Variants in PRDM2 observed in about 807,000 individuals in gnomAD.
The protein encoded by PRDM2 is PR domain zinc finger protein 2.
In PRDM2, 30 loss-of-function variants were observed where a neutral mutation model predicts 130.0. The ratio of observed to expected loss-of-function variants is 0.23; its 90% CI spans 0.17 to 0.31. The LOEUF (loss-of-function observed/expected upper bound fraction) is 0.31. Among genes scored for constraint, PRDM2 ranks in the 10% least tolerant of loss-of-function variants. The pLI, the probability that PRDM2 is intolerant of heterozygous loss-of-function variation, is 1.00. For missense variants in PRDM2, 2,011 were observed against 2,108.4 expected, an observed-to-expected ratio of 0.95 and a Z score of 0.90; for synonymous variants, 871 against 782.4, an observed-to-expected ratio of 1.11 and a Z score of -1.89.
Position 13,782,776 on chromosome 1 carries a change from T to A in PRDM2, c.4981T>A (p.Leu1661Met), listed in dbSNP as rs1408822697. The change falls in exon 8 of 10, where the codon TTG becomes ATG. Residue 1661 changes from leucine to methionine, a missense_variant. By Grantham distance (15) the Leu-to-Met change is conservative (BLOSUM62 2). Coordinates refer to ENST00000311066, the MANE Select transcript of PRDM2 (RefSeq NM_001393986.1). The stretch of plus-strand genomic sequence containing the variant: ...CCTTCAGCTGGCAGCTGCTGCTGAC[T>A]TGAGTGAGAACAAGAGAGAGGACGG... ...RSLQLAAAADLSENKREDGSA... is the reference protein window; with the variant it reads ...RSLQLAAAADMSENKREDGSA... 2 of 1,611,532 alleles carry A rather than the reference T, an allele frequency of 1.2e-6. No homozygotes were observed. Among genetic ancestry groups the A allele is most frequent in the Non-Finnish European group, 1.7e-6 (2 of 1,179,292 alleles).
At chr1:13,759,694 G>T (rs1012006384) in intron 6 of PRDM2, among the ~76,000 whole-genome samples, 1 of 152,198 alleles carries the variant, frequency 6.6e-6, no homozygotes, top group Non-Finnish European at 1.5e-5. Context: ...GGTTTACGCT[G>T]TGGGCAGCAC....
chr1:13,780,317 C>T lies in PRDM2; in HGVS notation c.2522C>T (p.Pro841Leu), dbSNP rs1267617136. ...AAGGCTGAGGGTACAGGCAAGACTCCAGTCCAGTGGGAATCTGTCTTAGAT... is the reference window on the plus strand; with the variant it reads ...AAGGCTGAGGGTACAGGCAAGACTCTAGTCCAGTGGGAATCTGTCTTAGAT... ...KQKAEGTGKT[P>L]VQWESVLDLS... The change falls in exon 8 of 10, where the codon CCA (proline) becomes CTA (leucine). Residue 841 changes from proline to leucine, a missense_variant. By Grantham distance (98) the Pro-to-Leu change is moderately conservative. Coordinates refer to ENST00000311066, the MANE Select transcript of PRDM2 (RefSeq NM_001393986.1). The T allele has an allele frequency of 1.2e-6, 2 of 1,614,048 alleles. No individual in the cohort carries two copies. The highest frequency in any genetic ancestry group is 1.3e-5 in the African/African-American group (1 of 74,908).
At chr1:13,741,507 G>A (rs1643438855) in intron 4 of PRDM2, among the ~76,000 whole-genome samples, 1 of 152,130 alleles carries the variant, frequency 6.6e-6, no homozygotes, top group South Asian at 2.1e-4. Context: ...GCCAGAAAGG[G>A]ACCTGCTGAA....
At position 13,764,925 on chromosome 1, in the gene PRDM2, T is replaced by C. The variant is rs140666252; in HGVS notation, c.512-8153T>C. Among the ~76,000 whole-genome samples the C allele has an allele frequency of 4.2e-3, 643 of 152,378 alleles. 4 individuals carry two copies. Among genetic ancestry groups the C allele is most frequent in the South Asian group, 6.8e-3 (33 of 4,828 alleles). On this transcript the variant is annotated intron_variant, in intron 6 of 9. Coordinates refer to ENST00000311066, the MANE Select transcript of PRDM2 (RefSeq NM_001393986.1). ...AGATTTGAAATTATGCCAAACGAGCTTAACAGAATTTTTTACTGTCAGATA... is the reference window on the plus strand; with the variant it reads ...AGATTTGAAATTATGCCAAACGAGCCTAACAGAATTTTTTACTGTCAGATA...
chr1:13,709,466 A>T (rs1456911203), intron 1 of PRDM2, among the ~76,000 whole-genome samples: 1 of 152,188 alleles, frequency 6.6e-6, no homozygotes, highest in East Asian at 1.9e-4. Flanking sequence ...AGACATTTTT[A>T]TTATTTTTCT....
At chr1:13,790,529 C>T (rs1211076286) in intron 8 of PRDM2, among the ~76,000 whole-genome samples, 1 of 152,132 alleles carries the variant, frequency 6.6e-6, no homozygotes, top group African/African-American at 2.4e-5. Context: ...GGGCCTTGCC[C>T]TTCTGGTGGC....
At chr1:13,718,872 C>G (rs758288374) in intron 2 of PRDM2, among the ~76,000 whole-genome samples, 3 of 152,090 alleles carry the variant, frequency 2.0e-5, no homozygotes, top group Non-Finnish European at 2.9e-5. Flanking sequence ...TCTTATTTTC[C>G]TAGACTTATC....
intron 9 of PRDM2, among the ~76,000 whole-genome samples, chr1:13,817,504 G>A (rs958187910): frequency 2.0e-5 from 3 of 151,684 alleles, no homozygotes; most frequent in African/African-American, 4.8e-5. Context: ...GGCCCTCCCT[G>A]TTGGTGACAC....
At chr1:13,793,350 G>A (rs12405313) in intron 8 of PRDM2, among the ~76,000 whole-genome samples, 2 of 152,234 alleles carry the variant, frequency 1.3e-5, no homozygotes, top group Non-Finnish European at 2.9e-5. Context: ...ATCCGCGTCA[G>A]GTGCTCAAGT....
intron 8 of PRDM2, among the ~76,000 whole-genome samples, chr1:13,795,203 T>C (rs1287616538): frequency 6.6e-6 from 1 of 152,258 alleles, no homozygotes; most frequent in Non-Finnish European, 1.5e-5. Context: ...AACCTCGCTT[T>C]GCTGAAACAA....
intron 6 of PRDM2, among the ~76,000 whole-genome samples, chr1:13,767,359 A>T (rs1408618267): frequency 6.6e-6 from 1 of 151,706 alleles, no homozygotes; most frequent in Non-Finnish European, 1.5e-5. Context: ...TGGCACGATC[A>T]TGGCTCACTG....
chr1:13,774,676 A>T lies in PRDM2; in HGVS notation c.622+1488A>T, dbSNP rs557731833. On this transcript the variant is annotated intron_variant, in intron 7 of 9. Coordinates refer to ENST00000311066, the MANE Select transcript of PRDM2 (RefSeq NM_001393986.1). ...TTCTCCTGACACAACATCAGGTCCC[A>T]TGAAAAATGACACTTGCTGGCCTGG... Among the ~76,000 whole-genome samples the T allele has an allele frequency of 1.1e-3, 175 of 152,290 alleles. 3 individuals are homozygous for T. The South Asian group carries it at 0.035, about 31-fold the overall frequency.
At chr1:13,797,750 G>C (rs931504658) in intron 8 of PRDM2, among the ~76,000 whole-genome samples, 1 of 152,132 alleles carries the variant, frequency 6.6e-6, no homozygotes, top group African/African-American at 2.4e-5. Flanking sequence ...GTGATTAAAA[G>C]TTTCAGACCT....
At chr1:13,741,913 T>C in intron 4 of PRDM2, 92 bp from the exon 5 acceptor site, 2 of 1,048,236 alleles carry the variant, frequency 1.9e-6, no homozygotes, top group Non-Finnish European at 2.8e-6. Context: ...TTGCATATAA[T>C]GAAAAAGAAT....
intron 8 of PRDM2, among the ~76,000 whole-genome samples, chr1:13,814,461 A>G (rs1023454164): frequency 6.6e-6 from 1 of 152,186 alleles, no homozygotes; most frequent in African/African-American, 2.4e-5. Flanking sequence ...AGCACCTTCT[A>G]CATTTGCTTG....
chr1:13,759,933 C>A (rs1366788536), intron 6 of PRDM2, among the ~76,000 whole-genome samples: 4 of 152,138 alleles, frequency 2.6e-5, no homozygotes, highest in Non-Finnish European at 5.9e-5. Context: ...GATTCCAAAT[C>A]TACTTGATTT....
chr1:13,732,909 T>C (rs1643154040), intron 4 of PRDM2, 27 bp downstream of exon 4: 1 of 1,388,308 alleles, frequency 7.2e-7, no homozygotes, highest in Admixed American at 2.1e-5. Flanking sequence ...ATTCTTTGTT[T>C]TTCAGAGTTT....
intron 8 of PRDM2, among the ~76,000 whole-genome samples, chr1:13,807,405 A>T (rs920617909): frequency 2.0e-5 from 3 of 152,232 alleles, no homozygotes; most frequent in Non-Finnish European, 4.4e-5. Flanking sequence ...GCGCCCCCTC[A>T]TGGAGCCTGC....
At chr1:13,751,368 TAC>T (rs1643833201) in intron 6 of PRDM2, among the ~76,000 whole-genome samples, 1 of 152,196 alleles carries the variant, frequency 6.6e-6, no homozygotes. Context: ...TGTTGGAACT[TAC>T]AGTCTGTTTT....
Sources: gnomAD v4.1 joint callset for allele counts (sites outside exome capture counted in the v4.1 genomes callset) on GRCh38, gnomAD v4.1.1 for gene constraint, MANE v1.5 for transcripts, NCBI Gene and HGNC (gene_info 2026-07-23, HGNC 2026-07-21) for gene names.